NPAS3: variants seen among roughly 807,000 people sequenced by gnomAD.
NPAS3 encodes neuronal PAS domain protein 3.
NPAS3 carries 14 observed loss-of-function variants against 73.1 expected under a neutral mutation model. The observed-to-expected ratio is 0.19, with a 90% CI of 0.13 to 0.30. The LOEUF (loss-of-function observed/expected upper bound fraction) is 0.30, where lower values mean the gene tolerates loss of function less well. Ranked by LOEUF, NPAS3 falls within the 10% of genes least tolerant of loss-of-function variation. The probability of loss-of-function intolerance (pLI) is 1.00; values close to 1 mark genes in which losing one functional copy is unlikely to be tolerated. For missense variants in NPAS3, 1,096 were observed against 1,250.0 expected, an observed-to-expected ratio of 0.88 and a Z score of 1.86; for synonymous variants, 620 against 541.5, an observed-to-expected ratio of 1.14 and a Z score of -2.01.
intron 1 of NPAS3, among the ~76,000 whole-genome samples, chr14:32,965,659 A>T (rs999588415): frequency 6.6e-6 from 1 of 152,226 alleles, no homozygotes; most frequent in Non-Finnish European, 1.5e-5. Flanking sequence ...CAAGGCAAGG[A>T]TGCCCACTTT....
rs2042152528 is a variant in NPAS3 at position 33,089,559 on chromosome 14, A to G, written c.140+33565A>G. ...GAAACTGACGGGGAGAGTGGAACCA[A>G]GTTGGAAAACACTCTGCAGGATATT... On this transcript the variant is annotated intron_variant, in intron 2 of 11. Transcript: ENST00000356141. Among the ~76,000 whole-genome samples the G allele has an allele frequency of 3.9e-5, 6 of 152,336 alleles. No individual in the cohort carries two copies. The South Asian group carries it at 1.2e-3, about 32-fold the overall frequency.
chr14:33,169,238 A>AT (rs2045292994), intron 2 of NPAS3, among the ~76,000 whole-genome samples: 3 of 152,200 alleles, frequency 2.0e-5, no homozygotes, highest in South Asian at 4.1e-4. Flanking sequence ...TAATACTTAA[A>AT]TTTTTTTCTT....
At chr14:33,779,428 T>C (rs1241790860) in intron 9 of NPAS3, among the ~76,000 whole-genome samples, 1 of 152,168 alleles carries the variant, frequency 6.6e-6, no homozygotes, top group Non-Finnish European at 1.5e-5. Flanking sequence ...TTCCTGAAGA[T>C]GAGTCTCCCC....
chr14:33,569,269 A>G (rs2056103008), intron 5 of NPAS3, among the ~76,000 whole-genome samples: 1 of 152,202 alleles, frequency 6.6e-6, no homozygotes, highest in South Asian at 2.1e-4. Flanking sequence ...ACTTTCAATA[A>G]CTATGCAAAC....
intron 2 of NPAS3, among the ~76,000 whole-genome samples, chr14:33,166,354 G>A (rs1370944476): frequency 6.6e-6 from 1 of 152,164 alleles, no homozygotes; most frequent in Non-Finnish European, 1.5e-5. Context: ...CCTCATCCAT[G>A]AAGCCTTCTA....
chr14:33,276,401 G>A (rs1364619717), intron 3 of NPAS3, among the ~76,000 whole-genome samples: 1 of 152,088 alleles, frequency 6.6e-6, no homozygotes, highest in East Asian at 1.9e-4. Flanking sequence ...TGCCATACCA[G>A]AAGGAAATGC....
intron 5 of NPAS3, among the ~76,000 whole-genome samples, chr14:33,600,981 T>TC (rs1167204832): frequency 6.6e-6 from 1 of 152,130 alleles, no homozygotes; most frequent in Non-Finnish European, 1.5e-5. Flanking sequence ...CATTTTTTTT[T>TC]CAAAAGGTTC....
intron 3 of NPAS3, among the ~76,000 whole-genome samples, chr14:33,364,322 T>C (rs1172232118): frequency 6.6e-6 from 1 of 152,200 alleles, no homozygotes; most frequent in African/African-American, 2.4e-5. Context: ...TTGTCTCAGT[T>C]CTCAAAATGC....
chr14:32,939,623 CAA>C (rs752795909), intron 1 of NPAS3, among the ~76,000 whole-genome samples: 72 of 110,250 alleles, frequency 6.5e-4, no homozygotes, highest in Admixed American at 3.6e-3. Context: ...GACTCACTGA[CAA>C]AAAAAAAAAA....
chr14:33,568,625 A>G (rs2056075789), intron 5 of NPAS3, among the ~76,000 whole-genome samples: 1 of 152,214 alleles, frequency 6.6e-6, no homozygotes. Context: ...TAAAATCATT[A>G]AATTCATGTG....
chr14:33,800,809 C>T lies in NPAS3; in HGVS notation c.2502C>T (p.Ala834=), dbSNP rs2138696287. ...CGGGCACCATCCGCTACGCGCCCGC[C>T]GAGGTGACCCTGGCCATGCAGAGCA... The change falls in exon 12 of 12, where the codon GCC becomes GCT. Residue 834 remains alanine (A), a synonymous_variant. Transcript: ENST00000356141. This position sits in a 1 kb window ranked among gnomAD's most constrained non-coding sequence, Gnocchi z 6.5. The T allele has an allele frequency of 1.3e-6, 2 of 1,598,884 alleles. No homozygotes were observed. The highest frequency in any genetic ancestry group is 1.7e-5 in the Admixed American group (1 of 58,332).
At chr14:33,604,552 GAA>G in intron 5 of NPAS3, among the ~76,000 whole-genome samples, 1 of 152,088 alleles carries the variant, frequency 6.6e-6, no homozygotes, top group East Asian at 1.9e-4. Flanking sequence ...CTCATAGACA[GAA>G]AGTCAGTAAA....
intron 7 of NPAS3, among the ~76,000 whole-genome samples, chr14:33,772,633 A>T (rs1455987525): frequency 1.3e-5 from 2 of 152,228 alleles, no homozygotes; most frequent in African/African-American, 4.8e-5. Context: ...ATAAATGAGC[A>T]TCTATGTAAG....
intron 5 of NPAS3, among the ~76,000 whole-genome samples, chr14:33,637,541 A>T (rs1225024560): frequency 6.6e-6 from 1 of 152,204 alleles, no homozygotes; most frequent in East Asian, 1.9e-4. Context: ...AGGGGAAAAA[A>T]GTTATAAGGA....
intron 2 of NPAS3, chr14:33,213,551 G>A (rs138949166): frequency 7.8e-4 from 119 of 152,282 alleles, no homozygotes; most frequent in African/African-American, 2.7e-3. Context: ...AGCTAAAATT[G>A]AGCACTTGTA....
intron 2 of NPAS3, among the ~76,000 whole-genome samples, chr14:33,207,756 G>A (rs2046885214): frequency 6.6e-6 from 1 of 152,098 alleles, no homozygotes; most frequent in Admixed American, 6.5e-5. Flanking sequence ...CTAGAAAATG[G>A]CCCCTTTTAC....
At chr14:33,527,241 C>T (rs368494655) in intron 4 of NPAS3, among the ~76,000 whole-genome samples, 2 of 152,108 alleles carry the variant, frequency 1.3e-5, no homozygotes, top group Admixed American at 6.5e-5. Flanking sequence ...AGGGGTGCTC[C>T]GAAGTGAGCA....
chr14:33,724,799 A>C (rs1438211496), intron 6 of NPAS3, among the ~76,000 whole-genome samples: 1 of 152,168 alleles, frequency 6.6e-6, no homozygotes, highest in Non-Finnish European at 1.5e-5. Flanking sequence ...AACACCATTA[A>C]ATATTACTGA....
chr14:33,136,938 G>C (rs1294093879), intron 2 of NPAS3, among the ~76,000 whole-genome samples: 1 of 152,136 alleles, frequency 6.6e-6, no homozygotes, highest in Non-Finnish European at 1.5e-5. Context: ...TAAATTTATA[G>C]AAATTTCACT....
Sources: gnomAD v4.1 joint callset for allele counts (sites outside exome capture counted in the v4.1 genomes callset) on GRCh38, gnomAD v4.1.1 for gene constraint, Gnocchi (gnomAD v3.1) non-coding constraint, MANE v1.5 for transcripts, NCBI Gene and HGNC (gene_info 2026-07-23, HGNC 2026-07-21) for gene names.